The following ZFAND3 variants were observed in gnomAD, a reference collection of about 807,000 sequenced individuals.
ZFAND3 encodes the protein AN1-type zinc finger protein 3.
Under a neutral mutation model 29.6 loss-of-function variants are expected in ZFAND3, and 10 were observed. That is an observed-to-expected ratio of 0.34 (90% CI 0.21 to 0.57). The LOEUF is 0.57. Ranked by LOEUF, ZFAND3 falls within the 20% of genes least tolerant of loss-of-function variation. The pLI is 0.86. For missense variants in ZFAND3, 230 were observed against 304.5 expected, an observed-to-expected ratio of 0.76 and a Z score of 1.82; for synonymous variants, 128 against 112.6, an observed-to-expected ratio of 1.14 and a Z score of -0.87.
intron 1 of ZFAND3, among the ~76,000 whole-genome samples, chr6:37,904,194 A>G (rs565593665): frequency 2.0e-5 from 3 of 152,296 alleles, no homozygotes; most frequent in South Asian, 2.1e-4. Context: ...GTGGAAGCCT[A>G]TGTGGGTGTA....
At chr6:38,030,508 T>C (rs899655433) in intron 2 of ZFAND3, among the ~76,000 whole-genome samples, 1 of 152,098 alleles carries the variant, frequency 6.6e-6, no homozygotes, top group African/African-American at 2.4e-5. Context: ...AATCATAATA[T>C]AGCTACCCCA....
chr6:38,128,260 C>T (rs757025656), intron 5 of ZFAND3, among the ~76,000 whole-genome samples: 2 of 152,146 alleles, frequency 1.3e-5, no homozygotes, highest in Non-Finnish European at 2.9e-5. Context: ...TTATGTTAAG[C>T]ACATTGTATG....
chr6:38,049,081 C>T (rs2127459269), intron 2 of ZFAND3, among the ~76,000 whole-genome samples: 1 of 152,320 alleles, frequency 6.6e-6, no homozygotes, highest in South Asian at 2.1e-4. Flanking sequence ...CAATGACTAG[C>T]ACTCCCTGTT....
Position 38,154,355 on chromosome 6 carries a change from C to A in ZFAND3, c.*1966C>A. ...GGCCTGGGGGAGCGAAGCCCATGTT[C>A]GCTTCCTGACTTAGAGCTGGGGGGG... On this transcript the variant is annotated 3_prime_UTR_variant, in exon 6 of 6. Coordinates refer to ENST00000287218, the MANE Select transcript of ZFAND3 (RefSeq NM_021943.3). The A allele has an allele frequency of 1.0e-6, 1 of 978,464 alleles. No individual in the cohort carries two copies. The highest frequency in any genetic ancestry group is 1.2e-6 in the Non-Finnish European group (1 of 827,242). 60.6% of individuals were successfully genotyped at this position (978,464 alleles called of 1,614,324 possible).
intron 2 of ZFAND3, among the ~76,000 whole-genome samples, chr6:38,042,129 G>A (rs928435302): frequency 2.0e-5 from 3 of 150,576 alleles, no homozygotes; most frequent in Admixed American, 6.6e-5. Context: ...GCCACTGCCT[G>A]GCCTAATATA....
chr6:38,111,549 C>CA (rs1765316430), intron 4 of ZFAND3, among the ~76,000 whole-genome samples: 1 of 152,202 alleles, frequency 6.6e-6, no homozygotes, highest in Non-Finnish European at 1.5e-5. Context: ...GTCTCCTCCT[C>CA]AGCTAGTCAG....
At chr6:38,091,253 C>T (rs1022416867) in intron 4 of ZFAND3, among the ~76,000 whole-genome samples, 4 of 151,172 alleles carry the variant, frequency 2.6e-5, no homozygotes, top group African/African-American at 9.7e-5. Flanking sequence ...ATGCTTTGCA[C>T]AAAGTCAGTT....
At chr6:37,976,616 C>T (rs965716370) in intron 2 of ZFAND3, among the ~76,000 whole-genome samples, 6 of 150,674 alleles carry the variant, frequency 4.0e-5, no homozygotes, top group Admixed American at 6.6e-5. Context: ...AGATACTACC[C>T]GAGACTGGGT....
At chr6:37,839,478 G>A (rs1338858418) in intron 1 of ZFAND3, among the ~76,000 whole-genome samples, 3 of 150,292 alleles carry the variant, frequency 2.0e-5, no homozygotes, top group Non-Finnish European at 4.4e-5. Context: ...CACCGTGCCC[G>A]GCCAGTTATT....
At chr6:37,868,990 A>G (rs971418256) in intron 1 of ZFAND3, among the ~76,000 whole-genome samples, 2 of 152,230 alleles carry the variant, frequency 1.3e-5, no homozygotes, top group Admixed American at 1.3e-4. Flanking sequence ...TAACAAATTC[A>G]GTTAGTAGAG....
intron 2 of ZFAND3, among the ~76,000 whole-genome samples, chr6:38,001,666 TAAAC>T (rs1762950754): frequency 6.6e-6 from 1 of 152,200 alleles, no homozygotes. Context: ...CATATGTAAA[TAAAC>T]TAAATTTGTA....
At chr6:38,076,614 T>G (rs1162778129) in intron 3 of ZFAND3, among the ~76,000 whole-genome samples, 1 of 152,234 alleles carries the variant, frequency 6.6e-6, no homozygotes, top group Non-Finnish European at 1.5e-5. Flanking sequence ...CTCTGGGAGA[T>G]TAACACTTAG....
intron 5 of ZFAND3, among the ~76,000 whole-genome samples, chr6:38,134,268 C>T (rs573953642): frequency 6.6e-6 from 1 of 152,218 alleles, no homozygotes; most frequent in South Asian, 2.1e-4. Context: ...TTCATATCCT[C>T]ATATTCCTTG....
chr6:38,010,394 CAG>C (rs1415695292), intron 2 of ZFAND3, among the ~76,000 whole-genome samples: 1 of 152,052 alleles, frequency 6.6e-6, no homozygotes, highest in Non-Finnish European at 1.5e-5. Context: ...TTGAAGGAAA[CAG>C]TGTTATTTGA....
chr6:37,909,306 G>A (rs1451436343), intron 1 of ZFAND3, among the ~76,000 whole-genome samples: 1 of 147,442 alleles, frequency 6.8e-6, no homozygotes, highest in Middle Eastern at 3.2e-3. Flanking sequence ...TTGAGACGGA[G>A]TCTTGCTCTG....
At chr6:38,117,833 A>G (rs1187556563) in intron 5 of ZFAND3, among the ~76,000 whole-genome samples, 2 of 152,342 alleles carry the variant, frequency 1.3e-5, no homozygotes, top group African/African-American at 4.8e-5. Context: ...CTTTGCTGCT[A>G]CGGTTCCTCA....
chr6:37,972,432 C>T (rs1319237287), intron 2 of ZFAND3, among the ~76,000 whole-genome samples: 3 of 152,154 alleles, frequency 2.0e-5, no homozygotes, highest in African/African-American at 7.2e-5. Flanking sequence ...AATATTCACA[C>T]TAAGTGTGGT....
intron 1 of ZFAND3, among the ~76,000 whole-genome samples, chr6:37,887,589 A>T (rs767839434): frequency 6.6e-6 from 1 of 152,236 alleles, no homozygotes; most frequent in Non-Finnish European, 1.5e-5. Context: ...TGATAAAAGT[A>T]TGAAATTGTA....
chr6:38,139,170 A>T (rs745548342), intron 5 of ZFAND3, among the ~76,000 whole-genome samples: 21 of 152,142 alleles, frequency 1.4e-4, no homozygotes, highest in Non-Finnish European at 2.6e-4. Context: ...TGAGGTGAGG[A>T]TATTGGATTT....
Sources: gnomAD v4.1 joint callset for allele counts (sites outside exome capture counted in the v4.1 genomes callset) on GRCh38, gnomAD v4.1.1 for gene constraint, MANE v1.5 for transcripts, NCBI Gene and HGNC (gene_info 2026-07-23, HGNC 2026-07-21) for gene names.